The following GMFB variants were observed in gnomAD, a reference collection of about 807,000 sequenced individuals.
GMFB encodes the protein GMF-beta.
In GMFB, 13 loss-of-function variants were observed where a neutral mutation model predicts 25.6. The observed-to-expected ratio is 0.51, with a 90% CI of 0.33 to 0.81. The LOEUF is 0.81. GMFB is among the 30% of genes least tolerant of loss of function. GMFB has a pLI of 0.02. For synonymous variants in GMFB, 57 were observed against 56.9 expected, an observed-to-expected ratio of 1.00 and a Z score of 0.00; for missense variants, 146 against 175.4, an observed-to-expected ratio of 0.83 and a Z score of 0.95.
chr14:54,478,243 G>T, intron 6 of GMFB, 84 bp from the exon 7 acceptor site: 1 of 515,490 alleles, frequency 1.9e-6, no homozygotes, highest in South Asian at 3.8e-5. Context: ...ATATATTTGA[G>T]TATTATACAC....
At chr14:54,485,242 T>C (rs906572035) in intron 1 of GMFB, among the ~76,000 whole-genome samples, 1 of 152,008 alleles carries the variant, frequency 6.6e-6, no homozygotes, top group African/African-American at 2.4e-5. Context: ...ATTATCCTTG[T>C]TTATGACAAC....
Position 54,479,782 on chromosome 14 carries a change from C to A in GMFB, c.357+4G>T. On this transcript the variant is annotated splice_donor_region_variant and intron_variant, in intron 6 of 6. Transcript: ENST00000358056. ...TCAACAAGTCAGTCAAATATAAATA[C>A]CACCTTGGTTAGTTCAGCTGTCTGG... is the stretch of plus-strand genomic sequence containing the variant. 1.3e-6 allele frequency: 2 copies of A among 1,546,466 alleles called. No homozygotes were observed. Among genetic ancestry groups the A allele is most frequent in the South Asian group, 1.1e-5 (1 of 89,608 alleles).
intron 1 of GMFB, among the ~76,000 whole-genome samples, chr14:54,487,894 A>C (rs963579493): frequency 6.6e-6 from 1 of 152,210 alleles, no homozygotes; most frequent in Admixed American, 6.5e-5. Flanking sequence ...TTGTCCAGGG[A>C]AAGGAGAATA....
At chr14:54,486,927 C>T (rs2031790887) in intron 1 of GMFB, among the ~76,000 whole-genome samples, 1 of 151,922 alleles carries the variant, frequency 6.6e-6, no homozygotes, top group African/African-American at 2.4e-5. Flanking sequence ...AAAAGGGTTA[C>T]CAGATATACT....
intron 4 of GMFB, 150 bp from the exon 5 acceptor site, chr14:54,481,106 A>T (rs2031705587): frequency 3.5e-6 from 2 of 579,004 alleles, no homozygotes; most frequent in African/African-American, 3.8e-5. Flanking sequence ...GGTTCCAAGG[A>T]TAAGTTATAA....
intron 5 of GMFB, 86 bp from the exon 6 acceptor site, chr14:54,479,945 C>T (rs185319696): frequency 5.1e-6 from 4 of 789,242 alleles, no homozygotes; most frequent in South Asian, 3.0e-5. Context: ...TAAAATGACA[C>T]ATTTAGGATT....
intron 2 of GMFB, chr14:54,483,362 C>A: frequency 4.0e-6 from 1 of 251,072 alleles, no homozygotes; most frequent in Non-Finnish European, 7.7e-6. Flanking sequence ...TTTAGTCCCC[C>A]AAGAAGGATG....
intron 4 of GMFB, 138 bp from the exon 5 acceptor site, chr14:54,481,094 T>C (rs2031705459): frequency 3.4e-6 from 2 of 579,988 alleles, no homozygotes; most frequent in Non-Finnish European, 6.2e-6. Context: ...CAAAATTAAA[T>C]GGGTTCCAAG....
chr14:54,484,056 C>T (rs959309861), intron 1 of GMFB: 4 of 483,884 alleles, frequency 8.3e-6, no homozygotes, highest in Non-Finnish European at 1.6e-5. Context: ...GCAATGTCAT[C>T]AGAACTGGAG....
At chr14:54,488,557 G>C (rs1297287496) in intron 1 of GMFB, 1 of 244,386 alleles carries the variant, frequency 4.1e-6, no homozygotes, top group Admixed American at 5.6e-5. Context: ...AGGGAAAGCA[G>C]GAATTGAGGG....
At chr14:54,484,765 T>C (rs902588315) in intron 1 of GMFB, among the ~76,000 whole-genome samples, 1 of 151,926 alleles carries the variant, frequency 6.6e-6, no homozygotes. Flanking sequence ...TTGATGAACA[T>C]AGATGCAAAA....
At chr14:54,487,730 A>T (rs1453802434) in intron 1 of GMFB, among the ~76,000 whole-genome samples, 2 of 152,186 alleles carry the variant, frequency 1.3e-5, no homozygotes, top group Non-Finnish European at 2.9e-5. Flanking sequence ...AAAAAAGTAC[A>T]TACAGATCTG....
In GMFB at chr14:54,475,173, A is replaced by G. The variant is rs2031620437; in HGVS notation, c.*2915T>C. On this transcript the variant is annotated 3_prime_UTR_variant, in exon 7 of 7. Coordinates refer to ENST00000358056, the MANE Select transcript of GMFB (RefSeq NM_004124.3). ...ACTAGTCCACATATGGATTAATGAC[A>G]TTGCTCAGGTTTTAAAAGCAGTCCA... The G allele has an allele frequency of 6.6e-6, 1 of 152,610 alleles. No individual in the cohort carries two copies. Among genetic ancestry groups the G allele is most frequent in the Non-Finnish European group, 1.5e-5 (1 of 68,006 alleles). 9.5% of individuals were successfully genotyped at this position (152,610 alleles called of 1,614,324 possible).
Position 54,477,364 on chromosome 14 carries a change from T to C in GMFB, c.*724A>G, listed in dbSNP as rs2031653915. ...GAGGTGCTTTATAAATAAAGTGTTA[T>C]TAACCTAGATTCAAAACTGTCTAGA... On this transcript the variant is annotated 3_prime_UTR_variant, in exon 7 of 7. Transcript: ENST00000358056. 1 of 152,478 alleles carries C rather than the reference T, an allele frequency of 6.6e-6. No homozygotes were observed. Among genetic ancestry groups the C allele is most frequent in the Non-Finnish European group, 1.5e-5 (1 of 67,896 alleles). 9.4% of individuals were successfully genotyped at this position (152,478 alleles called of 1,614,324 possible). A position where few individuals can be genotyped will look rare whatever the true frequency, so the allele number is the denominator to read the frequency against.
chr14:54,476,112 T>G lies in GMFB; in HGVS notation c.*1976A>C, dbSNP rs1256790214. 1.3e-5 allele frequency: 2 copies of G among 152,078 alleles called. No homozygotes were observed. The highest frequency in any genetic ancestry group is 2.9e-5 in the Non-Finnish European group (2 of 67,936). The allele number at this position is 152,078 out of a possible 1,614,324, so 9.4% of individuals were successfully genotyped here. A position where few individuals can be genotyped will look rare whatever the true frequency, so the allele number is the denominator to read the frequency against. On this transcript the variant is annotated 3_prime_UTR_variant, in exon 7 of 7. Coordinates refer to ENST00000358056, the MANE Select transcript of GMFB (RefSeq NM_004124.3). ...GTCTTGCCAAAAACATGTTATTAATTAGGAGTCAGACAAGCTCAAAAAAGC... is the reference window on the plus strand; with the variant it reads ...GTCTTGCCAAAAACATGTTATTAATGAGGAGTCAGACAAGCTCAAAAAAGC...
intron 1 of GMFB, 49 bp downstream of exon 1, chr14:54,488,876 G>A: frequency 6.6e-7 from 1 of 1,524,254 alleles, no homozygotes; most frequent in Non-Finnish European, 8.8e-7. Context: ...AAACCCGGCT[G>A]GCCGGCTCGC....
At chr14:54,481,317 G>A in intron 4 of GMFB, 92 bp downstream of exon 4, 1 of 844,488 alleles carries the variant, frequency 1.2e-6, no homozygotes, top group Non-Finnish European at 2.0e-6. Context: ...TCATGACACA[G>A]AAGGATACTT....
intron 2 of GMFB, 150 bp from the exon 3 acceptor site, chr14:54,482,352 G>T (rs2031724520): frequency 1.8e-6 from 1 of 554,544 alleles, no homozygotes; most frequent in Non-Finnish European, 3.3e-6. Context: ...TTAGTTTACG[G>T]TTTATTAGCT....
At chr14:54,488,788 T>A in intron 1 of GMFB, 137 bp downstream of exon 1, 1 of 630,702 alleles carries the variant, frequency 1.6e-6, no homozygotes, top group Non-Finnish European at 2.5e-6. Context: ...CTATGGGCAC[T>A]GGCCAGCTGC....
Sources: gnomAD v4.1 joint callset for allele counts (sites outside exome capture counted in the v4.1 genomes callset) on GRCh38, gnomAD v4.1.1 for gene constraint, MANE v1.5 for transcripts, NCBI Gene and HGNC (gene_info 2026-07-23, HGNC 2026-07-21) for gene names.